The following ZNF506 variants were observed in gnomAD, a reference collection of about 807,000 sequenced individuals.
ZNF506 encodes zinc finger protein 506.
ZNF506 carries 10 observed loss-of-function variants against 11.6 expected under a neutral mutation model. The ratio of observed to expected loss-of-function variants is 0.86; its 90% CI spans 0.53 to 1.46. The LOEUF is 1.46. Ranked by LOEUF, ZNF506 falls within the 40% of genes most tolerant of loss-of-function variation. The probability of loss-of-function intolerance (pLI) is 0.00; values close to 1 mark genes in which losing one functional copy is unlikely to be tolerated. For missense variants in ZNF506, 425 were observed against 521.2 expected, an observed-to-expected ratio of 0.82 and a Z score of 1.80; for synonymous variants, 156 against 173.3, an observed-to-expected ratio of 0.90 and a Z score of 0.78.
At chr19:19,821,003 G>GA (rs1257001893) in intron 1 of ZNF506, among the ~76,000 whole-genome samples, 2 of 151,694 alleles carry the variant, frequency 1.3e-5, no homozygotes, top group Non-Finnish European at 2.9e-5. Context: ...GGGTTCAACA[G>GA]ATTCTCCCAC....
intron 1 of ZNF506, among the ~76,000 whole-genome samples, chr19:19,821,211 A>C (rs1390989746): frequency 6.6e-6 from 1 of 151,986 alleles, no homozygotes; most frequent in Non-Finnish European, 1.5e-5. Context: ...ATAAATTTTT[A>C]ATAGGAGAAA....
At chr19:19,808,449 A>C (rs1342361500) in intron 1 of ZNF506, among the ~76,000 whole-genome samples, 1 of 151,714 alleles carries the variant, frequency 6.6e-6, no homozygotes, top group East Asian at 1.9e-4. Flanking sequence ...CTGCACTAGG[A>C]CAAATTTTTA....
In ZNF506 at chr19:19,806,135, T is replaced by C. The variant is rs2062834228; in HGVS notation, c.131-9A>G. 2 of 1,586,044 alleles carry C rather than the reference T, an allele frequency of 1.3e-6. No homozygotes were observed. Among genetic ancestry groups the C allele is most frequent in the Non-Finnish European group, 1.7e-6 (2 of 1,163,738 alleles). On this transcript the variant is annotated splice_polypyrimidine_tract_variant and intron_variant, in intron 2 of 3. Coordinates refer to ENST00000540806, the MANE Select transcript of ZNF506 (RefSeq NM_001099269.3). ...TTTAGAGACAACAATACCTGTTTTA[T>C]TAAGAATAAATAATATGAATCTTGC...
chr19:19,805,841 TAA>T (rs2062831475), intron 3 of ZNF506, among the ~76,000 whole-genome samples, 188 bp downstream of exon 3: 1 of 150,134 alleles, frequency 6.7e-6, no homozygotes. Context: ...TTGAAAAGCA[TAA>T]GACAGAAGAT....
chr19:19,818,053 C>G (rs935883807), intron 1 of ZNF506, among the ~76,000 whole-genome samples: 2 of 151,984 alleles, frequency 1.3e-5, no homozygotes, highest in African/African-American at 2.4e-5. Context: ...GTCTTGAACT[C>G]CTGACCTCAA....
chr19:19,803,987 ATTGTCAATT>A (rs146229159), intron 3 of ZNF506, among the ~76,000 whole-genome samples: 20,900 of 152,050 alleles, frequency 0.14, 1,690 homozygotes, highest in South Asian at 0.26. Context: ...TTCCAACTAT[ATTGTCAATT>A]TTGTCAATTT....
chr19:19,807,668 C>A (rs11878280), intron 1 of ZNF506, among the ~76,000 whole-genome samples: 1 of 151,714 alleles, frequency 6.6e-6, no homozygotes, highest in Non-Finnish European at 1.5e-5. Context: ...CCATGCCCAG[C>A]TAATTTTTTT....
intron 3 of ZNF506, among the ~76,000 whole-genome samples, chr19:19,802,700 C>A (rs1489533000): frequency 6.6e-6 from 1 of 152,010 alleles, no homozygotes; most frequent in East Asian, 1.9e-4. Context: ...GCATACCATG[C>A]AAATTCTAGC....
intron 1 of ZNF506, among the ~76,000 whole-genome samples, chr19:19,810,521 C>A (rs2062875522): frequency 6.6e-6 from 1 of 152,072 alleles, no homozygotes; most frequent in Non-Finnish European, 1.5e-5. Flanking sequence ...AAGGTCCCAG[C>A]ATTTTTATTT....
intron 1 of ZNF506, among the ~76,000 whole-genome samples, chr19:19,816,140 C>T (rs1252083727): frequency 6.6e-6 from 1 of 151,970 alleles, no homozygotes; most frequent in Non-Finnish European, 1.5e-5. Context: ...AAAAAATCAG[C>T]TGAATTTGTT....
intron 3 of ZNF506, chr19:19,799,353 A>T (rs1314214870): frequency 1.3e-5 from 7 of 534,786 alleles, no homozygotes. Flanking sequence ...GCAGTAAAAA[A>T]CAATTATTTC....
In ZNF506 at chr19:19,805,134, A is replaced by G. The variant is rs149463859; in HGVS notation, c.226+897T>C. 6.8e-3 allele frequency among the ~76,000 whole-genome samples: 1,041 copies of G among 152,272 alleles called. 15 individuals are homozygous for G. The highest frequency in any genetic ancestry group is 0.023 in the African/African-American group (962 of 41,548). On this transcript the variant is annotated intron_variant, in intron 3 of 3. Transcript: ENST00000540806. Reference sequence around the variant, plus strand: ...AAAACCTGTCTAAACCAATAAATACACTAATTAAATTAGGAAAATATAAAA... The same window carrying G: ...AAAACCTGTCTAAACCAATAAATACGCTAATTAAATTAGGAAAATATAAAA...
chr19:19,814,316 G>T (rs893449096), intron 1 of ZNF506, among the ~76,000 whole-genome samples: 2 of 151,820 alleles, frequency 1.3e-5, no homozygotes, highest in Admixed American at 1.3e-4. Flanking sequence ...ACTGAGGCAG[G>T]AGAATTGCTT....
chr19:19,816,103 T>A (rs138619507), intron 1 of ZNF506, among the ~76,000 whole-genome samples: 5 of 152,232 alleles, frequency 3.3e-5, no homozygotes, highest in Middle Eastern at 3.4e-3. Context: ...AGACACACAC[T>A]CTGCACATTT....
intron 3 of ZNF506, among the ~76,000 whole-genome samples, chr19:19,805,719 CA>C (rs1273021759): frequency 6.6e-6 from 1 of 152,046 alleles, no homozygotes; most frequent in East Asian, 1.9e-4. Context: ...GTCCCCAAAA[CA>C]ATGGAAAAAC....
chr19:19,797,618 T>C lies in ZNF506; in HGVS notation c.227-1958A>G, dbSNP rs753234634. On this transcript the variant is annotated intron_variant, in intron 3 of 3. Transcript: ENST00000540806. Reference sequence around the variant, plus strand: ...GTGAAAAATTTCTTAAAAGAAAAAATTGTGTAAATAGGGCAAAGCTGAAAA... The same window carrying C: ...GTGAAAAATTTCTTAAAAGAAAAAACTGTGTAAATAGGGCAAAGCTGAAAA... The C allele has an allele frequency of 2.0e-5, 3 of 151,466 alleles. No individual in the cohort carries two copies. In the South Asian group the frequency reaches 6.3e-4, roughly 32 times the overall value. The allele number at this position is 151,466 out of a possible 1,614,324, so 9.4% of individuals were successfully genotyped here. A position where few individuals can be genotyped will look rare whatever the true frequency, so the allele number is the denominator to read the frequency against.
At chr19:19,800,854 T>C (rs1424626064) in intron 3 of ZNF506, among the ~76,000 whole-genome samples, 2 of 152,154 alleles carry the variant, frequency 1.3e-5, no homozygotes, top group African/African-American at 2.4e-5. Context: ...ACTACTCACG[T>C]AGACAGGATT....
intron 1 of ZNF506, among the ~76,000 whole-genome samples, chr19:19,816,710 G>A (rs1008740206): frequency 1.3e-5 from 2 of 150,912 alleles, no homozygotes; most frequent in Non-Finnish European, 2.9e-5. Flanking sequence ...GGCTGGTCGC[G>A]TACTCCCAAC....
rs1214595883 is a variant in ZNF506, at chr19:19,793,192, T to C, written c.*1360A>G. Among the ~76,000 whole-genome samples the C allele has an allele frequency of 6.6e-6, 1 of 152,194 alleles. No individual in the cohort carries two copies. The highest frequency in any genetic ancestry group is 2.1e-4 in the South Asian group (1 of 4,822). On this transcript the variant is annotated 3_prime_UTR_variant, in exon 4 of 4. Coordinates refer to ENST00000540806, the MANE Select transcript of ZNF506 (RefSeq NM_001099269.3). Reference sequence around the variant, plus strand: ...TCAGAAAATCTCCCTTTTAAAGTTATATACAAAAACAGCTTTAGTTGTGGA... The same window carrying C: ...TCAGAAAATCTCCCTTTTAAAGTTACATACAAAAACAGCTTTAGTTGTGGA...
Sources: gnomAD v4.1 joint callset for allele counts (sites outside exome capture counted in the v4.1 genomes callset) on GRCh38, gnomAD v4.1.1 for gene constraint, MANE v1.5 for transcripts, NCBI Gene and HGNC (gene_info 2026-07-23, HGNC 2026-07-21) for gene names.